FAM50B: variants seen among roughly 807,000 people sequenced by gnomAD.
FAM50B encodes protein FAM50B.
In FAM50B, 9 loss-of-function variants were observed where a neutral mutation model predicts 25.4. The observed-to-expected ratio is 0.35, with a 90% CI of 0.21 to 0.62. The LOEUF is 0.62. Ranked by LOEUF, FAM50B falls within the 20% of genes least tolerant of loss-of-function variation. FAM50B has a pLI of 0.73. For missense variants in FAM50B, 372 were observed against 477.9 expected (o/e 0.78, Z 2.07); for synonymous variants, 212 against 204.3 (o/e 1.04, Z -0.32).
Position 3,849,796 on chromosome 6 carries a change from C to T in FAM50B, c.-16C>T, listed in dbSNP as rs909213064. The stretch of plus-strand genomic sequence containing the variant: ...TTTTCCTCTTTGCTGCAGAGCCCAT[C>T]GGGTAGGCGCGGGCCATGGCGCAGT... On this transcript the variant is annotated 5_prime_UTR_variant, in exon 2 of 2. Coordinates refer to ENST00000648326, the MANE Select transcript of FAM50B (RefSeq NM_012135.3). 5 of 1,589,216 alleles carry T rather than the reference C, an allele frequency of 3.1e-6. No homozygotes were observed. Among genetic ancestry groups the T allele is most frequent in the South Asian group, 1.1e-5 (1 of 89,072 alleles).
At chr6:3,846,836 T>C (rs144776381), upstream of FAM50B, among the ~76,000 whole-genome samples, 431 of 152,356 alleles carry the variant, frequency 2.8e-3, 1 homozygote, top group Non-Finnish European at 5.0e-3. Flanking sequence ...AAGTCAAAAT[T>C]ACTCCTTGAT....
upstream of FAM50B, among the ~76,000 whole-genome samples, chr6:3,848,272 A>G (rs1762145301): frequency 6.6e-6 from 1 of 152,240 alleles, no homozygotes; most frequent in South Asian, 2.1e-4. Context: ...TATTCTGGTG[A>G]TGGGGCAACA....
upstream of FAM50B, among the ~76,000 whole-genome samples, chr6:3,845,506 C>T (rs555698057): frequency 2.0e-5 from 3 of 152,196 alleles, no homozygotes; most frequent in African/African-American, 7.2e-5. Flanking sequence ...GGTGGAGAGG[C>T]TATCTTATTT....
chr6:3,834,668 A>G, the FAM50B span, among the ~76,000 whole-genome samples: 1 of 152,186 alleles, frequency 6.6e-6, no homozygotes, highest in African/African-American at 2.4e-5. Context: ...AGATGCATAT[A>G]TAAGAATGAT....
chr6:3,850,218 C>A lies in FAM50B; in HGVS notation c.407C>A (p.Ala136Asp), dbSNP rs768152468. ...GATGACCAGGCCGACGCGGCCGAGG[C>A]CAGGCGCGCCGGAAACCTGGGCAAG... is the stretch of plus-strand genomic sequence containing the variant. ...DLDDQADAAE[A>D]RRAGNLGKNP... The change falls in exon 2 of 2, where the codon GCC becomes GAC. Residue 136 changes from alanine (A) to aspartate (D), a missense_variant. This residue lies in a region of FAM50B where 224 missense variants were observed against 232.2 expected (regional missense o/e 0.96). Coordinates refer to ENST00000648326, the MANE Select transcript of FAM50B (RefSeq NM_012135.3). 3.1e-6 allele frequency: 5 copies of A among 1,613,298 alleles called. No individual in the cohort carries two copies. The South Asian group carries it at 4.4e-5, about 14-fold the overall frequency.
chr6:3,849,355 A>C (rs988339835), upstream of FAM50B: 9 of 156,322 alleles, frequency 5.8e-5, no homozygotes, highest in Non-Finnish European at 1.1e-4. Context: ...CCTCCCCGCC[A>C]GGGGGCGCAC....
Position 3,850,577 on chromosome 6 carries a change from G to T in FAM50B, c.766G>T (p.Ala256Ser). Residue 256 changes from alanine (A) to serine (S), a missense_variant, in exon 2 of 2, where the codon GCC becomes TCC. By Grantham distance (99) the Ala-to-Ser change is moderately conservative. Coordinates refer to ENST00000648326, the MANE Select transcript of FAM50B (RefSeq NM_012135.3). ...CCACACCTTCTACGACTTCATCATCGCCAGGGCGAGGGGCAAGAGCGGGCC... is the reference window on the plus strand; with the variant it reads ...CCACACCTTCTACGACTTCATCATCTCCAGGGCGAGGGGCAAGAGCGGGCC... ...HYHTFYDFII[A>S]RARGKSGPLF... 2.5e-6 allele frequency: 4 copies of T among 1,614,072 alleles called. No individual in the cohort carries two copies. Among genetic ancestry groups the T allele is most frequent in the Non-Finnish European group, 3.4e-6 (4 of 1,180,026 alleles).
At chr6:3,833,217 A>G in the FAM50B span, among the ~76,000 whole-genome samples, 2 of 152,210 alleles carry the variant, frequency 1.3e-5, no homozygotes, top group Non-Finnish European at 2.9e-5. Flanking sequence ...TATACTCAGC[A>G]GTAGTTTCAA....
rs1240306827 is a variant in FAM50B, at chr6:3,850,770, A to T, written c.959A>T (p.Asp320Val). The change falls in exon 2 of 2, where the codon GAC (aspartate) becomes GTC (valine). Residue 320 changes from aspartate (D) to valine (V), a missense_variant. Coordinates refer to ENST00000648326, the MANE Select transcript of FAM50B (RefSeq NM_012135.3). The part of the protein sequence containing the change: ...WEAYDPEKKW[D>V]KYTIR Reference sequence around the variant, plus strand: ...GCCTATGACCCCGAGAAGAAGTGGGACAAGTACACCATCCGCTAACACCCG... The same window carrying T: ...GCCTATGACCCCGAGAAGAAGTGGGTCAAGTACACCATCCGCTAACACCCG... 1.2e-6 allele frequency: 2 copies of T among 1,613,724 alleles called. No homozygotes were observed. The highest frequency in any genetic ancestry group is 2.2e-5 in the South Asian group (2 of 91,068).
At chr6:3,832,086 C>T in the FAM50B span, 2 of 152,130 alleles carry the variant, frequency 1.3e-5, no homozygotes, top group African/African-American at 4.8e-5. Flanking sequence ...AAAGTAAAGC[C>T]AATTGAGAAG....
At chr6:3,844,343 T>C in the FAM50B span, among the ~76,000 whole-genome samples, 1 of 152,172 alleles carries the variant, frequency 6.6e-6, no homozygotes, top group African/African-American at 2.4e-5. Context: ...ATTGATACTT[T>C]TATTTATTTA....
At chr6:3,843,313 G>A in the FAM50B span, among the ~76,000 whole-genome samples, 2 of 152,186 alleles carry the variant, frequency 1.3e-5, no homozygotes, top group African/African-American at 2.4e-5. Context: ...GTTGCCTCCA[G>A]GGAAGAGAAA....
At chr6:3,848,971 G>A (rs1337658573), upstream of FAM50B, among the ~76,000 whole-genome samples, 1 of 152,228 alleles carries the variant, frequency 6.6e-6, no homozygotes, top group East Asian at 1.9e-4. Flanking sequence ...TAGCATCAGA[G>A]GCGGGAGGAG....
chr6:3,838,365 A>G, the FAM50B span, among the ~76,000 whole-genome samples: 1 of 152,278 alleles, frequency 6.6e-6, no homozygotes, highest in Middle Eastern at 3.4e-3. Context: ...TCAAGAAGTT[A>G]AGGAATAAAC....
upstream of FAM50B, among the ~76,000 whole-genome samples, chr6:3,848,688 G>GC (rs1434528916): frequency 6.6e-6 from 1 of 152,188 alleles, no homozygotes; most frequent in Non-Finnish European, 1.5e-5. Flanking sequence ...GAACTGGTCT[G>GC]CCCTGCTCTT....
chr6:3,846,951 G>A (rs1015838517), upstream of FAM50B, among the ~76,000 whole-genome samples: 4 of 152,228 alleles, frequency 2.6e-5, no homozygotes, highest in African/African-American at 9.6e-5. Flanking sequence ...TTGTTAATGA[G>A]TAATAATATC....
chr6:3,832,888 C>T, the FAM50B span, among the ~76,000 whole-genome samples: 3 of 151,804 alleles, frequency 2.0e-5, no homozygotes, highest in Non-Finnish European at 2.9e-5. Flanking sequence ...GACAGAGTCT[C>T]GCTCTGTCTC....
the FAM50B span, among the ~76,000 whole-genome samples, chr6:3,836,817 C>A: frequency 2.6e-5 from 4 of 152,116 alleles, no homozygotes; most frequent in African/African-American, 9.7e-5. Context: ...TGCCAAGGAG[C>A]CTGAGTCTAC....
chr6:3,847,127 G>A (rs1762132743), upstream of FAM50B, among the ~76,000 whole-genome samples: 1 of 152,208 alleles, frequency 6.6e-6, no homozygotes, highest in Admixed American at 6.5e-5. Flanking sequence ...TTTTCAGAAT[G>A]GTAAGTGAGC....
Sources: allele counts gnomAD v4.1 joint callset (sites outside exome capture counted in the v4.1 genomes callset), GRCh38; gene constraint gnomAD v4.1.1; regional missense constraint gnomAD v4.1.1; transcripts MANE v1.5; gene names NCBI Gene and HGNC (gene_info 2026-07-23, HGNC 2026-07-21).